Variants in STK33 observed in about 807,000 individuals in gnomAD.
STK33 encodes serine/threonine-protein kinase 33.
STK33 carries 52 observed loss-of-function variants against 58.0 expected under a neutral mutation model. The ratio of observed to expected loss-of-function variants is 0.90; its 90% confidence interval spans 0.72 to 1.13. STK33 has a LOEUF of 1.13. STK33 is among the 50% of genes most tolerant of loss of function. The pLI, the probability that STK33 is intolerant of heterozygous loss-of-function variation, is 0.00. For synonymous variants in STK33, 215 were observed against 200.1 expected, an observed-to-expected ratio of 1.07 and a Z score of -0.63; for missense variants, 630 against 604.2, an observed-to-expected ratio of 1.04 and a Z score of -0.45.
chr11:8,517,855 T>C (rs904126715), intron 1 of STK33, among the ~76,000 whole-genome samples: 15 of 152,154 alleles, frequency 9.9e-5, no homozygotes, highest in African/African-American at 3.6e-4. Flanking sequence ...AGACCAAATC[T>C]ATGATTGATT....
At chr11:8,430,998 C>G (rs1438774830) in intron 14 of STK33, among the ~76,000 whole-genome samples, 1 of 151,764 alleles carries the variant, frequency 6.6e-6, no homozygotes, top group Admixed American at 6.6e-5. Flanking sequence ...TCCCAAGTAG[C>G]TGGGACTACC....
intron 4 of STK33, chr11:8,475,615 T>C (rs1949193236): frequency 6.6e-6 from 1 of 152,240 alleles, no homozygotes; most frequent in African/African-American, 2.4e-5. Flanking sequence ...ATAAGTATCC[T>C]CATTTTTATA....
At chr11:8,582,664 T>G (rs1410586388) in intron 1 of STK33, among the ~76,000 whole-genome samples, 2 of 152,244 alleles carry the variant, frequency 1.3e-5, no homozygotes, top group African/African-American at 4.8e-5. Context: ...CAATTCAATA[T>G]GAGATTTGGG....
chr11:8,387,693 A>C (rs1434481501), downstream of STK33, among the ~76,000 whole-genome samples: 1 of 152,214 alleles, frequency 6.6e-6, no homozygotes, highest in Admixed American at 6.5e-5. Context: ...CTAGTAACTA[A>C]GTGGAAGCCA....
the STK33 span, among the ~76,000 whole-genome samples, chr11:8,369,293 C>CTGTGTGTGTG: frequency 2.6e-5 from 2 of 77,386 alleles, no homozygotes; most frequent in East Asian, 9.4e-4. Flanking sequence ...TGGGTTTTTA[C>CTGTGTGTGTG]TCTGTGTGTG....
At chr11:8,517,952 C>A (rs568797473) in intron 1 of STK33, among the ~76,000 whole-genome samples, 45 of 152,228 alleles carry the variant, frequency 3.0e-4, no homozygotes, top group Non-Finnish European at 5.4e-4. Context: ...CCCAACCTAG[C>A]AAGGCAGGCC....
At chr11:8,556,855 A>G (rs1956775361) in intron 1 of STK33, among the ~76,000 whole-genome samples, 1 of 152,220 alleles carries the variant, frequency 6.6e-6, no homozygotes, top group Non-Finnish European at 1.5e-5. Context: ...GAATGAATGA[A>G]TGAAGAAGAG....
intron 1 of STK33, among the ~76,000 whole-genome samples, chr11:8,497,012 A>G (rs1396975300): frequency 1.3e-5 from 2 of 152,154 alleles, no homozygotes; most frequent in African/African-American, 4.8e-5. Context: ...AAAATTATCA[A>G]TATTTCTTAT....
chr11:8,379,165 A>C, the STK33 span, among the ~76,000 whole-genome samples: 1,042 of 152,346 alleles, frequency 6.8e-3, 5 homozygotes, highest in Admixed American at 0.013. Context: ...AAAAGACTTG[A>C]ATCTAAGACC....
At chr11:8,520,077 C>T (rs1162018318) in intron 1 of STK33, among the ~76,000 whole-genome samples, 1 of 152,100 alleles carries the variant, frequency 6.6e-6, no homozygotes, top group Admixed American at 6.6e-5. Flanking sequence ...TCATGAACAT[C>T]GATGCTAAAA....
At chr11:8,363,339 T>A in the STK33 span, among the ~76,000 whole-genome samples, 1 of 152,202 alleles carries the variant, frequency 6.6e-6, no homozygotes, top group Non-Finnish European at 1.5e-5. Context: ...TACACACATT[T>A]TCAGTATACA....
chr11:8,453,018 G>A, intron 10 of STK33, 112 bp from the exon 11 acceptor site: 1 of 935,876 alleles, frequency 1.1e-6, no homozygotes, highest in Non-Finnish European at 1.7e-6. Context: ...TCTTGGGGGT[G>A]GGAGGACTTT....
At chr11:8,362,885 TCTTC>T in the STK33 span, among the ~76,000 whole-genome samples, 1 of 150,430 alleles carries the variant, frequency 6.6e-6, no homozygotes, top group East Asian at 2.0e-4. Flanking sequence ...CCTCCCTCCC[TCTTC>T]CTTCCTCTCT....
At chr11:8,488,469 G>C (rs2138528199) in intron 1 of STK33, among the ~76,000 whole-genome samples, 1 of 152,090 alleles carries the variant, frequency 6.6e-6, no homozygotes, top group Admixed American at 6.5e-5. Context: ...GCACAAGCAG[G>C]AAGTGAAGGC....
At chr11:8,415,912 A>G (rs577438601) in intron 14 of STK33, among the ~76,000 whole-genome samples, 1 of 152,282 alleles carries the variant, frequency 6.6e-6, no homozygotes, top group South Asian at 2.1e-4. Context: ...ATTTCAGTCA[A>G]CATGGTATAT....
At chr11:8,383,055 C>T in the STK33 span, among the ~76,000 whole-genome samples, 2 of 152,182 alleles carry the variant, frequency 1.3e-5, no homozygotes, top group African/African-American at 2.4e-5. Context: ...TCCACGAATC[C>T]CTGTTAACAG....
At chr11:8,461,724 A>G in intron 8 of STK33, 81 bp downstream of exon 8, 2 of 1,161,294 alleles carry the variant, frequency 1.7e-6, no homozygotes, top group Non-Finnish European at 1.2e-6. Flanking sequence ...ACTGTGCCCC[A>G]AAGGGATTAT....
At chr11:8,462,043 G>T in intron 7 of STK33, 134 bp from the exon 8 acceptor site, 1 of 585,030 alleles carries the variant, frequency 1.7e-6, no homozygotes, top group African/African-American at 1.9e-5. Context: ...CATTTTTTGA[G>T]ATGTTTCTTT....
intron 1 of STK33, chr11:8,580,889 C>CAG (rs1565412945): frequency 6.6e-6 from 1 of 152,162 alleles, no homozygotes; most frequent in Non-Finnish European, 1.5e-5. Context: ...CTTAGCACTT[C>CAG]ATCGTGGGTT....
Sources: gnomAD v4.1 joint callset for allele counts (sites outside exome capture counted in the v4.1 genomes callset) on GRCh38, gnomAD v4.1.1 for gene constraint, MANE v1.5 for transcripts, NCBI Gene and HGNC (gene_info 2026-07-23, HGNC 2026-07-21) for gene names.